The following THSD4 variants were observed in gnomAD, a reference collection of about 807,000 sequenced individuals.
The protein encoded by THSD4 is thrombospondin type-1 domain-containing protein 4.
Under a neutral mutation model 119.0 loss-of-function variants are expected in THSD4, and 69 were observed. The ratio of observed to expected loss-of-function variants is 0.58; its 90% CI spans 0.48 to 0.71. THSD4 has a LOEUF of 0.71. Among genes scored for constraint, THSD4 ranks in the 30% least tolerant of loss-of-function variants. The pLI is 0.00. For missense variants in THSD4, 1,393 were observed against 1,391.1 expected, an observed-to-expected ratio of 1.00 and a Z score of -0.02; for synonymous variants, 524 against 540.4, an observed-to-expected ratio of 0.97 and a Z score of 0.42.
intron 3 of THSD4, among the ~76,000 whole-genome samples, chr15:71,193,657 C>T (rs944610197): frequency 6.6e-6 from 1 of 152,102 alleles, no homozygotes; most frequent in Non-Finnish European, 1.5e-5. Context: ...GGGGGTGGTT[C>T]CCCCATACTG....
rs941381898 is a variant in THSD4, at chr15:71,431,762, T to C, written c.1152+19939T>C. The stretch of plus-strand genomic sequence containing the variant: ...GCTTGTATACCATAGGGGAAAGGTA[T>C]ACATGCTCCAGCAAGACAATTCAAG... On this transcript the variant is annotated intron_variant, in intron 7 of 17. Transcript: ENST00000261862. Among the ~76,000 whole-genome samples the C allele has an allele frequency of 2.6e-5, 4 of 152,310 alleles. No individual in the cohort carries two copies. The East Asian group carries it at 7.7e-4, about 29-fold the overall frequency.
chr15:71,260,121 G>C (rs1238289200), intron 6 of THSD4, among the ~76,000 whole-genome samples: 2 of 152,128 alleles, frequency 1.3e-5, no homozygotes, highest in Non-Finnish European at 2.9e-5. Context: ...GTCTAATATT[G>C]ATAGCCCTAT....
At chr15:71,701,731 AT>A (rs933597541) in intron 8 of THSD4, among the ~76,000 whole-genome samples, 4 of 152,114 alleles carry the variant, frequency 2.6e-5, no homozygotes, top group African/African-American at 9.7e-5. Flanking sequence ...CTTTTATATA[AT>A]TTTGTTTATG....
intron 6 of THSD4, among the ~76,000 whole-genome samples, chr15:71,357,290 C>T (rs966998521): frequency 6.6e-6 from 1 of 152,186 alleles, no homozygotes; most frequent in Non-Finnish European, 1.5e-5. Flanking sequence ...ACTCTAAACT[C>T]GGTTATGAGA....
At chr15:71,141,585 CAGG>C (rs2040604999) in intron 2 of THSD4, 29 bp downstream of exon 2, 19 of 1,596,862 alleles carry the variant, frequency 1.2e-5, no homozygotes, top group Non-Finnish European at 1.6e-5. Context: ...TTTAAAAAAA[CAGG>C]AGAATAAGAA....
chr15:71,154,884 G>C lies in THSD4; in HGVS notation c.51G>C (p.Leu17=). Residue 17 remains leucine (L), a synonymous_variant, in exon 3 of 18, where the codon CTG becomes CTC. Transcript: ENST00000261862. ...TCAGTGTCCTGTGTTTCCTTCTGCTGCTTGGATTCCAGTTCGTCTGCCCAC... is the reference window on the plus strand; with the variant it reads ...TCAGTGTCCTGTGTTTCCTTCTGCTCCTTGGATTCCAGTTCGTCTGCCCAC... ...GSLSVLCFLL[L]LGFQFVCPQP... is the part of the protein sequence containing the mutation. 6.2e-7 allele frequency: 1 copy of C among 1,614,098 alleles called. No homozygotes were observed. Among genetic ancestry groups the C allele is most frequent in the Non-Finnish European group, 8.5e-7 (1 of 1,180,036 alleles).
chr15:71,452,889 A>G (rs1329270200), intron 7 of THSD4, among the ~76,000 whole-genome samples: 1 of 152,224 alleles, frequency 6.6e-6, no homozygotes, highest in Non-Finnish European at 1.5e-5. Flanking sequence ...TCCTGGGATT[A>G]CAGGCATGAG....
chr15:71,653,932 A>ACTCTGCCCATCTCCCT (rs148011322), intron 7 of THSD4, among the ~76,000 whole-genome samples: 60,318 of 151,546 alleles, frequency 0.4, 12,844 homozygotes, highest in East Asian at 0.9. Flanking sequence ...GCTGCACAGG[A>ACTCTGCCCATCTCCCT]CTCGACATTT....
chr15:71,243,737 T>C (rs1005851151), intron 5 of THSD4, among the ~76,000 whole-genome samples: 1 of 151,928 alleles, frequency 6.6e-6, no homozygotes, highest in Non-Finnish European at 1.5e-5. Context: ...TTACATAATA[T>C]CTACCATTAT....
At chr15:71,278,753 C>T (rs2069709768) in intron 6 of THSD4, among the ~76,000 whole-genome samples, 1 of 152,100 alleles carries the variant, frequency 6.6e-6, no homozygotes, top group Admixed American at 6.5e-5. Context: ...GTAAGAAACG[C>T]TAGGCAGACA....
chr15:71,172,409 T>C (rs1006911608), intron 3 of THSD4, among the ~76,000 whole-genome samples: 70 of 151,944 alleles, frequency 4.6e-4, no homozygotes, highest in Admixed American at 1.3e-4. Flanking sequence ...AAGATAACCA[T>C]TCTCTTCAAA....
intron 7 of THSD4, among the ~76,000 whole-genome samples, chr15:71,638,944 T>A (rs953579451): frequency 6.6e-6 from 1 of 152,192 alleles, no homozygotes; most frequent in African/African-American, 2.4e-5. Context: ...CTCCACCATT[T>A]TAGATAGCTC....
intron 8 of THSD4, among the ~76,000 whole-genome samples, chr15:71,705,868 A>G (rs772875002): frequency 9.9e-5 from 15 of 152,232 alleles, no homozygotes; most frequent in Non-Finnish European, 1.9e-4. Context: ...CCTGAAAGAA[A>G]TACAGAAACT....
In THSD4 at chr15:71,666,556, T is replaced by G. The variant is rs1324984366; in HGVS notation, c.1357+5822T>G. ...CCAAAGCATTTTCACATACATGGCC[T>G]TCTGATCTTTAACACTGGACATTAT... On this transcript the variant is annotated intron_variant, in intron 8 of 17. Transcript: ENST00000261862. Among the ~76,000 whole-genome samples, 6 of 152,324 alleles carry G rather than the reference T, an allele frequency of 3.9e-5. No individual in the cohort carries two copies. In the East Asian group the frequency reaches 1.2e-3, roughly 29 times the overall value.
chr15:71,516,779 A>G lies in THSD4; in HGVS notation c.1152+104956A>G, dbSNP rs551522383. Among the ~76,000 whole-genome samples, 9 of 152,350 alleles carry G rather than the reference A, an allele frequency of 5.9e-5. No individual in the cohort carries two copies. In the East Asian group the frequency reaches 1.5e-3, roughly 26 times the overall value. ...TGTACCAGTTATAGTTTTCTAATGTATGCTATCACATAGCTGTTAAAATCT... is the reference window on the plus strand; with the variant it reads ...TGTACCAGTTATAGTTTTCTAATGTGTGCTATCACATAGCTGTTAAAATCT... On this transcript the variant is annotated intron_variant, in intron 7 of 17. Transcript: ENST00000261862.
intron 7 of THSD4, among the ~76,000 whole-genome samples, chr15:71,656,020 T>C (rs1223190790): frequency 6.6e-6 from 1 of 152,180 alleles, no homozygotes; most frequent in African/African-American, 2.4e-5. Flanking sequence ...CAACATTCTT[T>C]CCATTATTCC....
At chr15:71,334,370 T>C (rs771706574) in intron 6 of THSD4, among the ~76,000 whole-genome samples, 1 of 152,146 alleles carries the variant, frequency 6.6e-6, no homozygotes, top group Non-Finnish European at 1.5e-5. Flanking sequence ...CTCTAAGAGG[T>C]GGACATCGGC....
intron 7 of THSD4, among the ~76,000 whole-genome samples, chr15:71,486,887 G>A (rs150603072): frequency 6.6e-6 from 1 of 152,070 alleles, no homozygotes; most frequent in African/African-American, 2.4e-5. Context: ...CCTTTTCGGG[G>A]TCCTGCAAAA....
chr15:71,291,509 A>T (rs575530458), intron 6 of THSD4, among the ~76,000 whole-genome samples: 2 of 152,194 alleles, frequency 1.3e-5, no homozygotes, highest in Non-Finnish European at 2.9e-5. Flanking sequence ...TTCCAACACA[A>T]GCAATCAGGC....
Sources: gnomAD v4.1 joint callset for allele counts (sites outside exome capture counted in the v4.1 genomes callset) on GRCh38, gnomAD v4.1.1 for gene constraint, MANE v1.5 for transcripts, NCBI Gene and HGNC (gene_info 2026-07-23, HGNC 2026-07-21) for gene names.